Variants in C8orf34 observed in about 807,000 individuals in gnomAD.
C8orf34 encodes uncharacterized protein C8orf34.
In C8orf34, 65 loss-of-function variants were observed where a neutral mutation model predicts 68.3. The ratio of observed to expected loss-of-function variants is 0.95; its 90% CI spans 0.78 to 1.17. The LOEUF (loss-of-function observed/expected upper bound fraction) is 1.17. Ranked by LOEUF, C8orf34 falls within the 50% of genes most tolerant of loss-of-function variation. The pLI, the probability that C8orf34 is intolerant of heterozygous loss-of-function variation, is 0.00. For synonymous variants in C8orf34, 244 were observed against 241.2 expected (o/e 1.01, Z -0.11); for missense variants, 664 against 655.4 (o/e 1.01, Z -0.14).
chr8:68,434,909 C>A (rs950829603), intron 1 of C8orf34, among the ~76,000 whole-genome samples: 4 of 151,830 alleles, frequency 2.6e-5, no homozygotes, highest in Non-Finnish European at 5.9e-5. Context: ...ATTAGCTGGG[C>A]ATGGTGGCAT....
chr8:68,391,973 G>T (rs142331774), intron 1 of C8orf34, among the ~76,000 whole-genome samples: 2 of 152,086 alleles, frequency 1.3e-5, no homozygotes, highest in African/African-American at 4.8e-5. Flanking sequence ...AATGAACATC[G>T]CTAATGAATG....
intron 10 of C8orf34, among the ~76,000 whole-genome samples, chr8:68,732,463 C>T (rs375998921): frequency 5.9e-5 from 9 of 151,786 alleles, no homozygotes; most frequent in African/African-American, 1.2e-4. Context: ...ATATTTCTTT[C>T]GGAGAGTTTA....
At chr8:68,615,877 C>T (rs1474487229) in intron 7 of C8orf34, among the ~76,000 whole-genome samples, 1 of 151,398 alleles carries the variant, frequency 6.6e-6, no homozygotes, top group Non-Finnish European at 1.5e-5. Context: ...ACCAGTTCCT[C>T]CTTGTACCTC....
At chr8:68,596,215 TTGGAGA>T (rs1486404337) in intron 7 of C8orf34, among the ~76,000 whole-genome samples, 2 of 152,094 alleles carry the variant, frequency 1.3e-5, no homozygotes, top group African/African-American at 4.8e-5. Context: ...GTTTAGGAAC[TTGGAGA>T]TGGAGGTGAG....
chr8:68,694,950 C>T (rs1185608721), intron 8 of C8orf34, among the ~76,000 whole-genome samples: 6 of 151,788 alleles, frequency 4.0e-5, no homozygotes, highest in East Asian at 1.9e-4. Flanking sequence ...ATACCAATAA[C>T]GGAAGCAATT....
At chr8:68,686,330 A>T (rs1443090650) in intron 8 of C8orf34, among the ~76,000 whole-genome samples, 3 of 152,096 alleles carry the variant, frequency 2.0e-5, no homozygotes, top group Non-Finnish European at 4.4e-5. Flanking sequence ...ACTTTACAAA[A>T]AAAGAAAACT....
At chr8:68,535,505 G>T (rs1815427547) in intron 7 of C8orf34, 2 of 949,416 alleles carry the variant, frequency 2.1e-6, no homozygotes, top group Non-Finnish European at 2.5e-6. Flanking sequence ...AAAATTGGTT[G>T]ATTTGAAGGG....
At chr8:68,685,495 T>G (rs16934903) in intron 8 of C8orf34, among the ~76,000 whole-genome samples, 11,202 of 152,114 alleles carry the variant, frequency 0.074, 606 homozygotes, top group African/African-American at 0.15. Flanking sequence ...CAACCCAACG[T>G]CCTTACATGT....
chr8:68,687,990 A>T (rs762007936), intron 8 of C8orf34, among the ~76,000 whole-genome samples: 46 of 152,178 alleles, frequency 3.0e-4, no homozygotes, highest in Non-Finnish European at 5.9e-4. Context: ...GACATTTCTC[A>T]AAAGAAGATA....
chr8:68,556,831 T>C (rs779297450), intron 7 of C8orf34, among the ~76,000 whole-genome samples: 1 of 152,220 alleles, frequency 6.6e-6, no homozygotes, highest in Non-Finnish European at 1.5e-5. Flanking sequence ...GGTGATTGAA[T>C]TTCCCTTTAA....
chr8:68,607,000 C>G (rs1409527166), intron 7 of C8orf34, among the ~76,000 whole-genome samples: 1 of 152,044 alleles, frequency 6.6e-6, no homozygotes, highest in Non-Finnish European at 1.5e-5. Context: ...GAAACATTCA[C>G]CAACATACTA....
intron 12 of C8orf34, chr8:68,792,296 G>A (rs896425097): frequency 3.3e-5 from 5 of 152,134 alleles, no homozygotes; most frequent in African/African-American, 9.7e-5. Context: ...ATATAGATCA[G>A]GCGCAATGGC....
chr8:68,703,559 G>A (rs763925736), intron 8 of C8orf34, among the ~76,000 whole-genome samples: 32 of 152,044 alleles, frequency 2.1e-4, no homozygotes, highest in Non-Finnish European at 4.1e-4. Context: ...CCTGCCCCAG[G>A]ATGGCCAATG....
intron 7 of C8orf34, among the ~76,000 whole-genome samples, chr8:68,549,844 C>G (rs1006171477): frequency 4.0e-5 from 6 of 151,640 alleles, no homozygotes; most frequent in Admixed American, 6.6e-5. Flanking sequence ...CTTTATTGTT[C>G]TAAGCCCCTC....
chr8:68,350,429 T>C (rs550187988), intron 1 of C8orf34, among the ~76,000 whole-genome samples: 1 of 152,110 alleles, frequency 6.6e-6, no homozygotes, highest in South Asian at 2.1e-4. Context: ...TGAACACTTC[T>C]ATAAATGTCT....
chr8:68,661,663 A>G (rs1170061978), intron 8 of C8orf34, among the ~76,000 whole-genome samples: 2 of 152,052 alleles, frequency 1.3e-5, no homozygotes, highest in Non-Finnish European at 2.9e-5. Context: ...ATTCCTGGTC[A>G]CTCTACCCCA....
intron 5 of C8orf34, among the ~76,000 whole-genome samples, chr8:68,498,647 A>C (rs982703957): frequency 2.0e-5 from 3 of 152,244 alleles, no homozygotes; most frequent in Admixed American, 2.0e-4. Context: ...GGTATCTTTA[A>C]GAACTAGAAT....
chr8:68,655,071 C>T lies in C8orf34; in HGVS notation c.1241+14560C>T, dbSNP rs374921714. Among the ~76,000 whole-genome samples the T allele has an allele frequency of 7.9e-5, 12 of 152,032 alleles. No individual in the cohort carries two copies. In the East Asian group the frequency reaches 9.7e-4, roughly 12 times the overall value. ...AATAAAAATCACTGGCGTTTATTTA[C>T]ATTTAATACCCATTTTGTTGCAATA... On this transcript the variant is annotated intron_variant, in intron 8 of 13. Transcript: ENST00000518698.
At chr8:68,382,817 C>G (rs1281665013) in intron 1 of C8orf34, among the ~76,000 whole-genome samples, 1 of 152,112 alleles carries the variant, frequency 6.6e-6, no homozygotes, top group Non-Finnish European at 1.5e-5. Context: ...CCAACACTTT[C>G]TATTTGGTTG....
Sources: gnomAD v4.1 joint callset for allele counts (sites outside exome capture counted in the v4.1 genomes callset) on GRCh38, gnomAD v4.1.1 for gene constraint, MANE v1.5 for transcripts, NCBI Gene and HGNC (gene_info 2026-07-23, HGNC 2026-07-21) for gene names.